The following TRAF3IP1 variants were observed in gnomAD, a reference collection of about 807,000 sequenced individuals.
TRAF3IP1 encodes the protein intraflagellar transport 54, also known as TRAF3-interacting protein 1.
A neutral mutation model predicts 89.9 loss-of-function variants in TRAF3IP1; 53 were observed. That is an observed-to-expected ratio of 0.59 (90% CI 0.47 to 0.74). TRAF3IP1 has a LOEUF of 0.74. Among genes scored for constraint, TRAF3IP1 ranks in the 30% least tolerant of loss-of-function variants. The probability of loss-of-function intolerance (pLI) is 0.00; values close to 1 mark genes in which losing one functional copy is unlikely to be tolerated. For missense variants in TRAF3IP1, 806 were observed against 866.1 expected (o/e 0.93, Z 0.87); for synonymous variants, 311 against 322.1 (o/e 0.97, Z 0.37).
At position 238,399,899 on chromosome 2, in the gene TRAF3IP1, A is replaced by G. The variant is rs774827691; in HGVS notation, c.*980A>G. The stretch of plus-strand genomic sequence containing the variant: ...CAAAAGTTTTTTAAAAACATGGTTT[A>G]TAGTTTTTCACTTACATATACTATT... On this transcript the variant is annotated 3_prime_UTR_variant, in exon 17 of 17. Coordinates refer to ENST00000373327, the MANE Select transcript of TRAF3IP1 (RefSeq NM_015650.4). The G allele has an allele frequency of 6.6e-6, 1 of 152,204 alleles. No individual in the cohort carries two copies. The highest frequency in any genetic ancestry group is 1.5e-5 in the Non-Finnish European group (1 of 68,026). 9.4% of individuals were successfully genotyped at this position (152,204 alleles called of 1,614,324 possible).
rs552056559 is a variant in TRAF3IP1, at chr2:238,379,570, T to G, written c.1690-17889T>G. Among the ~76,000 whole-genome samples, 1 of 152,346 alleles carries G rather than the reference T, an allele frequency of 6.6e-6. No homozygotes were observed. Among genetic ancestry groups the G allele is most frequent in the South Asian group, 2.1e-4 (1 of 4,828 alleles). On this transcript the variant is annotated intron_variant, in intron 15 of 16. Transcript: ENST00000373327. This position sits in a 1 kb window ranked among gnomAD's most constrained non-coding sequence, Gnocchi z 4.0. The stretch of plus-strand genomic sequence containing the variant: ...CCAGTCCTTAGACTCACTTCTTCTA[T>G]TCATAATTAATTCTGTGACACGTGT...
At position 238,379,776 on chromosome 2, in the gene TRAF3IP1, G is replaced by A. The variant is rs917503340; in HGVS notation, c.1690-17683G>A. Among the ~76,000 whole-genome samples the A allele has an allele frequency of 2.6e-5, 4 of 152,170 alleles. No homozygotes were observed. The highest frequency in any genetic ancestry group is 6.5e-5 in the Admixed American group (1 of 15,282). ...GTTAAGAATTTAGAAGGCAAAATGT[G>A]TAATAATAACACTGGAGCCAGAATG... On this transcript the variant is annotated intron_variant, in intron 15 of 16. Transcript: ENST00000373327. This position sits in a 1 kb window ranked among gnomAD's most constrained non-coding sequence, Gnocchi z 4.0.
chr2:238,336,122 T>G (rs1017643388), intron 7 of TRAF3IP1, among the ~76,000 whole-genome samples: 2 of 152,156 alleles, frequency 1.3e-5, no homozygotes, highest in African/African-American at 4.8e-5. Context: ...GTAGTTCTTC[T>G]GTTGATTCTT....
chr2:238,340,949 C>A (rs1317927410), intron 8 of TRAF3IP1, among the ~76,000 whole-genome samples: 1 of 152,074 alleles, frequency 6.6e-6, no homozygotes, highest in Admixed American at 6.6e-5. Context: ...CCTCCGCCTC[C>A]CGGGTTCAAG....
intron 15 of TRAF3IP1, among the ~76,000 whole-genome samples, chr2:238,387,849 G>A (rs1276994411): frequency 3.3e-5 from 5 of 152,174 alleles, no homozygotes; most frequent in African/African-American, 1.2e-4. Context: ...GAGATCTAAA[G>A]AGGAGGATCA....
chr2:238,380,011 A>G (rs926637634), intron 15 of TRAF3IP1, among the ~76,000 whole-genome samples: 5 of 152,214 alleles, frequency 3.3e-5, no homozygotes, highest in Admixed American at 1.3e-4. Context: ...GCTGCTGCCT[A>G]TGAGATGGAA....
intron 15 of TRAF3IP1, among the ~76,000 whole-genome samples, chr2:238,394,095 C>T (rs1359942267): frequency 6.6e-6 from 1 of 152,042 alleles, no homozygotes; most frequent in Non-Finnish European, 1.5e-5. Context: ...ACTTGGGAGG[C>T]CGAGGCAGGA....
intron 7 of TRAF3IP1, 107 bp downstream of exon 7, chr2:238,334,142 G>T: frequency 1.2e-6 from 1 of 843,272 alleles, no homozygotes; most frequent in South Asian, 1.6e-5. Context: ...CTGGAAAACA[G>T]ACTTGCTGTG....
At chr2:238,346,215 C>T (rs958000117) in intron 9 of TRAF3IP1, among the ~76,000 whole-genome samples, 16 of 152,106 alleles carry the variant, frequency 1.1e-4, no homozygotes, top group Non-Finnish European at 4.4e-5. Context: ...GCTCTTGGTC[C>T]CCAGCAGTCC....
chr2:238,328,806 TC>T lies in TRAF3IP1; in HGVS notation c.477del (p.Arg160GlufsTer14). 1 of 1,613,218 alleles carries T rather than the reference TC, an allele frequency of 6.2e-7. No homozygotes were observed. The highest frequency in any genetic ancestry group is 8.5e-7 in the Non-Finnish European group (1 of 1,179,734). On this transcript the variant is annotated frameshift_variant, in exon 4 of 17. Transcript: ENST00000373327. LOFTEE classifies it high-confidence loss of function. ...LDNKNVREEE[S>X]RVHKNTEDRG... is the part of the protein sequence containing the mutation. The stretch of plus-strand genomic sequence containing the variant: ...TAATAAGAATGTGCGAGAAGAAGAG[TC>T]CAGAGTTCACAAAAATACAGAGGTG...
At chr2:238,358,174 G>C (rs1462236635) in intron 15 of TRAF3IP1, among the ~76,000 whole-genome samples, 4 of 150,818 alleles carry the variant, frequency 2.7e-5, no homozygotes, top group African/African-American at 9.8e-5. Context: ...GCAGTGGCGC[G>C]ATCTCGGCTC....
intron 15 of TRAF3IP1, among the ~76,000 whole-genome samples, chr2:238,360,521 A>G (rs1394125346): frequency 6.6e-6 from 1 of 152,218 alleles, no homozygotes; most frequent in East Asian, 1.9e-4. Flanking sequence ...ATCATTTTGC[A>G]TTCCTACCAG....
intron 15 of TRAF3IP1, among the ~76,000 whole-genome samples, chr2:238,373,491 C>G (rs965710954): frequency 9.2e-5 from 14 of 152,056 alleles, no homozygotes; most frequent in African/African-American, 3.4e-4. Flanking sequence ...CATTGGTCTA[C>G]ATCTCTGTTG....
intron 7 of TRAF3IP1, among the ~76,000 whole-genome samples, chr2:238,337,228 A>C (rs978731240): frequency 1.3e-5 from 2 of 152,212 alleles, no homozygotes; most frequent in Non-Finnish European, 2.9e-5. Context: ...ATCTTCAAGG[A>C]AAATGAAGCC....
rs773237064 is a variant in TRAF3IP1, at chr2:238,329,024, G to A, written c.597G>A (p.Lys199=). 1.1e-5 allele frequency: 17 copies of A among 1,551,690 alleles called. No individual in the cohort carries two copies. In the South Asian group the frequency reaches 1.5e-4, roughly 14 times the overall value. The part of the protein sequence containing the change: ...KEDRKPREKD[K]DKEKAKENGG... ...ACCGCAAGCCAAGAGAAAAGGACAAGGACAAGGAGAAGGCCAAGGAGAATG... is the reference window on the plus strand; with the variant it reads ...ACCGCAAGCCAAGAGAAAAGGACAAAGACAAGGAGAAGGCCAAGGAGAATG... The change falls in exon 5 of 17, where the codon AAG becomes AAA. Residue 199 remains lysine, a synonymous_variant. Coordinates refer to ENST00000373327, the MANE Select transcript of TRAF3IP1 (RefSeq NM_015650.4).
At chr2:238,328,260 G>GTT (rs911170981) in intron 3 of TRAF3IP1, among the ~76,000 whole-genome samples, 2 of 151,254 alleles carry the variant, frequency 1.3e-5, no homozygotes, top group East Asian at 3.9e-4. Flanking sequence ...GGTTTTGTGT[G>GTT]TTTTTTTTTA....
At position 238,345,659 on chromosome 2, in the gene TRAF3IP1, C is replaced by T. The variant is rs1027057118; in HGVS notation, c.1261+1061C>T. On this transcript the variant is annotated intron_variant, in intron 9 of 16. Coordinates refer to ENST00000373327, the MANE Select transcript of TRAF3IP1 (RefSeq NM_015650.4). This position sits in a 1 kb window ranked among gnomAD's most constrained non-coding sequence, Gnocchi z 4.7. ...GAGAGAGAGGCCTGGACTGTGGAGG[C>T]GCCCTGGGAGGGGAGAAGTGGTAGG... 3.9e-5 allele frequency among the ~76,000 whole-genome samples: 6 copies of T among 152,042 alleles called. No homozygotes were observed. Among genetic ancestry groups the T allele is most frequent in the South Asian group, 4.2e-4 (2 of 4,818 alleles).
intron 15 of TRAF3IP1, among the ~76,000 whole-genome samples, chr2:238,385,837 C>T (rs775062447): frequency 3.3e-5 from 5 of 151,992 alleles, no homozygotes; most frequent in South Asian, 4.1e-4. Context: ...CTTCTTGCAC[C>T]GCTGTTTTTT....
intron 1 of TRAF3IP1, among the ~76,000 whole-genome samples, chr2:238,324,654 G>T (rs1165647947): frequency 1.3e-5 from 2 of 152,084 alleles, no homozygotes; most frequent in Non-Finnish European, 2.9e-5. Context: ...CGCCAGGCTG[G>T]AGTGCAGTGG....
Sources: gnomAD v4.1 joint callset for allele counts (sites outside exome capture counted in the v4.1 genomes callset) on GRCh38, gnomAD v4.1.1 for gene constraint, Gnocchi (gnomAD v3.1) non-coding constraint, MANE v1.5 for transcripts, NCBI Gene and HGNC (gene_info 2026-07-23, HGNC 2026-07-21) for gene names.